FHIT: variants seen among roughly 807,000 people sequenced by gnomAD.
The protein encoded by FHIT is bis(5'-adenosyl)-triphosphatase.
FHIT carries 19 observed loss-of-function variants against 17.9 expected under a neutral mutation model. The ratio of observed to expected loss-of-function variants is 1.06; its 90% CI spans 0.74 to 1.56. The LOEUF is 1.56. Among genes scored for constraint, FHIT ranks in the 40% most tolerant of loss-of-function variants. FHIT has a pLI of 0.00. For synonymous variants in FHIT, 81 were observed against 69.7 expected (o/e 1.16, Z -0.81); for missense variants, 248 against 189.2 (o/e 1.31, Z -1.82).
intron 4 of FHIT, among the ~76,000 whole-genome samples, chr3:60,790,794 G>A (rs1036802542): frequency 6.6e-6 from 1 of 152,140 alleles, no homozygotes; most frequent in East Asian, 1.9e-4. Context: ...TAATGTAAAC[G>A]AGGGATGACT....
At chr3:60,744,263 C>CAAAAAAAAAAAAAAAAAAAAAAAAAAAAA (rs1201886354) in intron 4 of FHIT, among the ~76,000 whole-genome samples, 3 of 85,984 alleles carry the variant, frequency 3.5e-5, no homozygotes, top group African/African-American at 1.4e-4. Flanking sequence ...AAAAACAAAA[C>CAAAAAAAAAAAAAAAAAAAAAAAAAAAAA]AAAACAAAAA....
At chr3:60,551,953 C>G (rs1576863046) in intron 4 of FHIT, among the ~76,000 whole-genome samples, 1 of 151,862 alleles carries the variant, frequency 6.6e-6, no homozygotes. Flanking sequence ...ATTTTTACCC[C>G]CAAAAGAGAA....
intron 5 of FHIT, among the ~76,000 whole-genome samples, chr3:60,317,520 T>C (rs1337488541): frequency 6.7e-6 from 1 of 150,278 alleles, no homozygotes; most frequent in Non-Finnish European, 1.5e-5. Context: ...GGGTGGATCC[T>C]CACAAAAGTG....
chr3:60,386,145 C>T (rs1204711931), intron 5 of FHIT, among the ~76,000 whole-genome samples: 2 of 152,048 alleles, frequency 1.3e-5, no homozygotes, highest in African/African-American at 4.8e-5. Context: ...ATTTGAGCCC[C>T]GGCAGTGTGG....
intron 4 of FHIT, among the ~76,000 whole-genome samples, chr3:60,712,462 A>T (rs1391086380): frequency 6.6e-6 from 1 of 151,598 alleles, no homozygotes; most frequent in African/African-American, 2.4e-5. Flanking sequence ...AAATTATCCA[A>T]TTAAAAGACA....
chr3:60,939,113 A>G (rs906062138), intron 3 of FHIT, among the ~76,000 whole-genome samples: 1 of 152,186 alleles, frequency 6.6e-6, no homozygotes, highest in Non-Finnish European at 1.5e-5. Flanking sequence ...ACATACGCAC[A>G]TTACATTAAA....
chr3:61,034,509 A>AT (rs1363414663), intron 3 of FHIT, among the ~76,000 whole-genome samples: 1 of 152,242 alleles, frequency 6.6e-6, no homozygotes, highest in Non-Finnish European at 1.5e-5. Flanking sequence ...AAACATGCAA[A>AT]TAGCCAACAA....
chr3:61,137,907 T>C (rs1247489019), intron 2 of FHIT, among the ~76,000 whole-genome samples: 1 of 152,206 alleles, frequency 6.6e-6, no homozygotes, highest in Non-Finnish European at 1.5e-5. Context: ...AGAGGCCTGT[T>C]GTATTCCTCT....
intron 5 of FHIT, among the ~76,000 whole-genome samples, chr3:60,015,306 G>C (rs1247222677): frequency 6.6e-6 from 1 of 152,100 alleles, no homozygotes; most frequent in Non-Finnish European, 1.5e-5. Context: ...GGAAGAGAAA[G>C]AAGAAACTGA....
Position 60,948,221 on chromosome 3 carries a change from T to G in FHIT, c.-111+93826A>C, listed in dbSNP as rs182948562. On this transcript the variant is annotated intron_variant, in intron 3 of 9. Coordinates refer to ENST00000492590, the MANE Select transcript of FHIT (RefSeq NM_002012.4). ...CCTAAGGGGGTCTTATATATTAACC[T>G]TGCTTCTGAACTCTAAGCACTGGCA... 8.5e-5 allele frequency among the ~76,000 whole-genome samples: 13 copies of G among 152,268 alleles called. No individual in the cohort carries two copies. In the East Asian group the frequency reaches 2.5e-3, roughly 29 times the overall value.
chr3:60,173,915 A>ATATATATATATATATATTTTTTTT lies in FHIT; in HGVS notation c.104-159764_104-159763insAAAAAAAATATATATATATATATA. On this transcript the variant is annotated intron_variant, in intron 5 of 9. Transcript: ENST00000492590. ...TATATATATATATATATATATATAT[A>ATATATATATATATATATTTTTTTT]TGTTTTTTTTTTTTTTTGAGATCGA... is the stretch of plus-strand genomic sequence containing the variant. Among the ~76,000 whole-genome samples the ATATATATATATATATATTTTTTTT allele has an allele frequency of 1.5e-3, 97 of 66,380 alleles. 3 individuals carry two copies. The highest frequency in any genetic ancestry group is 8.3e-3 in the Middle Eastern group (1 of 120). 43.5% of individuals were successfully genotyped at this position (66,380 alleles called of 152,430 possible). A position where few individuals can be genotyped will look rare whatever the true frequency, so the allele number is the denominator to read the frequency against.
At chr3:59,809,683 C>T (rs1463483004) in intron 8 of FHIT, among the ~76,000 whole-genome samples, 1 of 152,154 alleles carries the variant, frequency 6.6e-6, no homozygotes, top group Non-Finnish European at 1.5e-5. Flanking sequence ...TTTCAAAGGG[C>T]TTTCTTTGTA....
intron 8 of FHIT, among the ~76,000 whole-genome samples, chr3:59,910,596 G>T (rs1197012788): frequency 6.6e-6 from 1 of 152,044 alleles, no homozygotes; most frequent in Non-Finnish European, 1.5e-5. Context: ...TAGGTCTTGA[G>T]TTATTAGGTA....
chr3:59,898,223 C>T (rs1346514654), intron 8 of FHIT, among the ~76,000 whole-genome samples: 5 of 152,134 alleles, frequency 3.3e-5, no homozygotes, highest in South Asian at 2.1e-4. Context: ...GCTATTTGTA[C>T]GAGGTCCATA....
intron 2 of FHIT, among the ~76,000 whole-genome samples, chr3:61,187,193 A>G (rs2038542917): frequency 6.6e-6 from 1 of 152,194 alleles, no homozygotes; most frequent in Non-Finnish European, 1.5e-5. Context: ...TGAAATCTGC[A>G]AGGCTTAGTC....
chr3:61,140,312 G>GA (rs1345746482), intron 2 of FHIT, among the ~76,000 whole-genome samples: 2 of 151,912 alleles, frequency 1.3e-5, no homozygotes, highest in Non-Finnish European at 2.9e-5. Flanking sequence ...CAAATATAAG[G>GA]AAAAAAATAT....
chr3:60,145,827 G>A (rs6764133), intron 5 of FHIT, among the ~76,000 whole-genome samples: 3 of 151,820 alleles, frequency 2.0e-5, no homozygotes, highest in African/African-American at 7.3e-5. Flanking sequence ...ATTCATCTTC[G>A]ACAGTCACCA....
intron 5 of FHIT, among the ~76,000 whole-genome samples, chr3:60,147,447 T>C (rs1330567514): frequency 2.6e-5 from 4 of 152,152 alleles, no homozygotes; most frequent in Non-Finnish European, 5.9e-5. Context: ...AGGAGCAAGA[T>C]GTAAAGGATG....
chr3:60,615,766 A>G (rs555572122), intron 4 of FHIT, among the ~76,000 whole-genome samples: 11 of 152,362 alleles, frequency 7.2e-5, no homozygotes, highest in African/African-American at 2.4e-4. Context: ...TAGAAGTCTT[A>G]TTCAAATAAA....
Sources: gnomAD v4.1 joint callset for allele counts (sites outside exome capture counted in the v4.1 genomes callset) on GRCh38, gnomAD v4.1.1 for gene constraint, MANE v1.5 for transcripts, NCBI Gene and HGNC (gene_info 2026-07-23, HGNC 2026-07-21) for gene names.